TMEM40: variants seen among roughly 807,000 people sequenced by gnomAD.
The protein encoded by TMEM40 is transmembrane protein 40.
In TMEM40, 34 loss-of-function variants were observed where a neutral mutation model predicts 40.8. That is an observed-to-expected ratio of 0.83 (90% CI 0.63 to 1.11). TMEM40 has a LOEUF of 1.11. TMEM40 is among the 50% of genes least tolerant of loss of function. TMEM40 has a pLI of 0.00. For synonymous variants in TMEM40, 106 were observed against 107.0 expected, an observed-to-expected ratio of 0.99 and a Z score of 0.06; for missense variants, 296 against 280.2, an observed-to-expected ratio of 1.06 and a Z score of -0.40.
At chr3:12,767,416 G>T (rs762649993) in intron 1 of TMEM40, among the ~76,000 whole-genome samples, 1 of 152,134 alleles carries the variant, frequency 6.6e-6, no homozygotes, top group Non-Finnish European at 1.5e-5. Flanking sequence ...CTGTGGCATC[G>T]ATAGAAGAGA....
At chr3:12,768,451 T>C (rs750956555) in intron 1 of TMEM40, among the ~76,000 whole-genome samples, 16 of 152,176 alleles carry the variant, frequency 1.1e-4, no homozygotes, top group Non-Finnish European at 2.1e-4. Context: ...AGGGTGCTGA[T>C]TGGTGCATTT....
At chr3:12,769,196 G>C (rs1370495051) in intron 1 of TMEM40, 3 of 339,324 alleles carry the variant, frequency 8.8e-6, no homozygotes, top group South Asian at 5.7e-5. Context: ...AACTGTAGCC[G>C]GCCCTCAAGT....
intron 8 of TMEM40, chr3:12,737,440 G>A (rs2061345877): frequency 3.6e-6 from 2 of 554,942 alleles, no homozygotes; most frequent in South Asian, 2.3e-5. Context: ...ATAGCAGAAA[G>A]AGCAGAGGAC....
In TMEM40 at chr3:12,734,666, G is replaced by T. The variant is rs950546894; in HGVS notation, c.*108C>A. On this transcript the variant is annotated 3_prime_UTR_variant, in exon 12 of 12. Coordinates refer to ENST00000314124, the MANE Select transcript of TMEM40 (RefSeq NM_018306.4). ...GAAAAGTGTTCTGTTTATTGGTCTGGCTTGGTCTCCTGTGCGTCTCTCAGA... is the reference window on the plus strand; with the variant it reads ...GAAAAGTGTTCTGTTTATTGGTCTGTCTTGGTCTCCTGTGCGTCTCTCAGA... 5 of 1,268,510 alleles carry T rather than the reference G, an allele frequency of 3.9e-6. No individual in the cohort carries two copies. Among genetic ancestry groups the T allele is most frequent in the African/African-American group, 3.0e-5 (2 of 67,764 alleles). The allele number at this position is 1,268,510 out of a possible 1,614,324, so 78.6% of individuals were successfully genotyped here.
intron 2 of TMEM40, 28 bp downstream of exon 2, chr3:12,749,732 C>T: frequency 1.2e-6 from 2 of 1,609,134 alleles, no homozygotes; most frequent in Non-Finnish European, 8.5e-7. Flanking sequence ...TGTGGTTTTG[C>T]CCAGAGGGTC....
At chr3:12,746,187 T>C (rs996705891) in intron 3 of TMEM40, among the ~76,000 whole-genome samples, 1 of 152,212 alleles carries the variant, frequency 6.6e-6, no homozygotes, top group Non-Finnish European at 1.5e-5. Context: ...AGTGAGCCAC[T>C]GTGCCCAGCC....
chr3:12,760,410 T>G (rs1482405679), upstream of TMEM40, among the ~76,000 whole-genome samples: 2 of 151,924 alleles, frequency 1.3e-5, no homozygotes, highest in African/African-American at 4.8e-5. Context: ...CCTCCCTCAC[T>G]CTGCTCCAGT....
chr3:12,735,240 A>G (rs1046350672), intron 11 of TMEM40, among the ~76,000 whole-genome samples: 3 of 152,228 alleles, frequency 2.0e-5, no homozygotes, highest in African/African-American at 4.8e-5. Flanking sequence ...GGGGAAGTGT[A>G]AAGTTCTATA....
chr3:12,735,875 A>G (rs1476745010), intron 10 of TMEM40, among the ~76,000 whole-genome samples: 1 of 152,212 alleles, frequency 6.6e-6, no homozygotes, highest in South Asian at 2.1e-4. Context: ...GTATCTGGCT[A>G]GTTCTATTTT....
intron 5 of TMEM40, 187 bp from the exon 6 acceptor site, chr3:12,738,775 A>G (rs1185785744): frequency 3.3e-6 from 2 of 601,512 alleles, no homozygotes; most frequent in African/African-American, 1.8e-5. Context: ...CCAGCCACAG[A>G]AAGCTGCTGT....
chr3:12,750,412 C>T (rs182714499), intron 1 of TMEM40, among the ~76,000 whole-genome samples: 144 of 152,270 alleles, frequency 9.5e-4, no homozygotes, highest in Non-Finnish European at 1.9e-3. Flanking sequence ...CACAGAGCCA[C>T]CTGCCACCTC....
chr3:12,765,566 CTTTT>C (rs530745103), intron 1 of TMEM40, among the ~76,000 whole-genome samples: 7 of 125,698 alleles, frequency 5.6e-5, no homozygotes, highest in South Asian at 2.4e-4. Flanking sequence ...TGTTTGATTA[CTTTT>C]TTTTTTTTTT....
rs369930659 is a variant in TMEM40, at chr3:12,743,854, C to T, written c.301+46G>A. 11 of 1,571,970 alleles carry T rather than the reference C, an allele frequency of 7.0e-6. No individual in the cohort carries two copies. The African/African-American group carries it at 1.1e-4, about 15-fold the overall frequency. ...ACTTCAGTCCCACGGAGAAACTCAA[C>T]GGTGAGCGAGTGGGCAAAAGAAAAA... On this transcript the variant is annotated intron_variant, in intron 4 of 11. Transcript: ENST00000314124.
intron 1 of TMEM40, among the ~76,000 whole-genome samples, chr3:12,757,835 G>A (rs2061540622): frequency 6.6e-6 from 1 of 152,170 alleles, no homozygotes; most frequent in African/African-American, 2.4e-5. Flanking sequence ...TGGAAAAGCT[G>A]GAATTACAGG....
chr3:12,746,178 G>A (rs1005219691), intron 3 of TMEM40, among the ~76,000 whole-genome samples: 2 of 152,166 alleles, frequency 1.3e-5, no homozygotes, highest in African/African-American at 2.4e-5. Flanking sequence ...AATTGCAGGA[G>A]TGAGCCACTG....
rs191291258 is a variant in TMEM40 at position 12,757,163 on chromosome 3, T to C, written c.-9+2028A>G. On this transcript the variant is annotated intron_variant, in intron 1 of 11. Coordinates refer to ENST00000314124, the MANE Select transcript of TMEM40 (RefSeq NM_018306.4). ...CGAAAGAAGACACAGAAATAGTCAA[T>C]AGCACATAGAAAGATGCTTCACATC... Among the ~76,000 whole-genome samples the C allele has an allele frequency of 3.1e-3, 474 of 152,294 alleles. 17 individuals are homozygous for C. Among genetic ancestry groups the C allele is most frequent in the Admixed American group, 0.029 (449 of 15,284 alleles).
intron 5 of TMEM40, 100 bp from the exon 6 acceptor site, chr3:12,738,688 T>G (rs2061357606): frequency 1.5e-6 from 2 of 1,315,488 alleles, no homozygotes; most frequent in Non-Finnish European, 2.2e-6. Flanking sequence ...ACTTCCCACT[T>G]AATCTGGAGT....
chr3:12,753,276 T>C (rs2061493289), intron 1 of TMEM40, among the ~76,000 whole-genome samples: 1 of 140,826 alleles, frequency 7.1e-6, no homozygotes, highest in East Asian at 2.1e-4. Context: ...TGGAGTGCAG[T>C]GGCACGATCA....
upstream of TMEM40, among the ~76,000 whole-genome samples, chr3:12,761,250 C>T (rs552416580): frequency 1.3e-5 from 2 of 152,242 alleles, no homozygotes; most frequent in African/African-American, 4.8e-5. Context: ...GCCTCAGCAG[C>T]CAGGCATCCT....
Sources: allele counts gnomAD v4.1 joint callset (sites outside exome capture counted in the v4.1 genomes callset), GRCh38; gene constraint gnomAD v4.1.1; transcripts MANE v1.5; gene names NCBI Gene and HGNC (gene_info 2026-07-23, HGNC 2026-07-21).